The following PCDH7 variants were observed in gnomAD, a reference collection of about 807,000 sequenced individuals.
The protein encoded by PCDH7 is protocadherin 7, also known as protocadherin-7.
In PCDH7, 17 loss-of-function variants were observed where a neutral mutation model predicts 58.9. The observed-to-expected ratio is 0.29, with a 90% CI of 0.20 to 0.43. The LOEUF (loss-of-function observed/expected upper bound fraction) is 0.43, where lower values mean the gene tolerates loss of function less well. Ranked by LOEUF, PCDH7 falls within the 20% of genes least tolerant of loss-of-function variation. The pLI is 1.00. For synonymous variants in PCDH7, 664 were observed against 616.4 expected (o/e 1.08, Z -1.14); for missense variants, 1,274 against 1,441.0 (o/e 0.88, Z 1.88).
intron 3 of PCDH7, among the ~76,000 whole-genome samples, chr4:30,979,046 G>A (rs941701882): frequency 3.3e-5 from 5 of 152,050 alleles, no homozygotes; most frequent in Non-Finnish European, 7.4e-5. Flanking sequence ...GATTAGTGAG[G>A]CATCAGATGG....
intron 1 of PCDH7, among the ~76,000 whole-genome samples, chr4:30,883,585 A>G (rs553979587): frequency 2.0e-5 from 3 of 152,324 alleles, no homozygotes; most frequent in East Asian, 3.9e-4. Context: ...CATGCACAAT[A>G]TGACTGTAAC....
At chr4:30,967,034 T>C (rs1749057472) in intron 3 of PCDH7, among the ~76,000 whole-genome samples, 1 of 152,138 alleles carries the variant, frequency 6.6e-6, no homozygotes, top group African/African-American at 2.4e-5. Flanking sequence ...ATTTGTTTTC[T>C]TTCTATGTGC....
At position 31,063,042 on chromosome 4, in the gene PCDH7, G is replaced by A. The variant is rs547496318; in HGVS notation, c.*8-79431G>A. 2.0e-5 allele frequency among the ~76,000 whole-genome samples: 3 copies of A among 151,872 alleles called. No homozygotes were observed. The South Asian group carries it at 6.2e-4, about 32-fold the overall frequency. On this transcript the variant is annotated intron_variant, in intron 3 of 3. Coordinates refer to the PCDH7 transcript ENST00000509759. Reference sequence around the variant, plus strand: ...TATGTGCTAAATTAATCTTTATTGGGTATCTGAGAAGACTTTGAGAGAATG... The same window carrying A: ...TATGTGCTAAATTAATCTTTATTGGATATCTGAGAAGACTTTGAGAGAATG...
intron 3 of PCDH7, among the ~76,000 whole-genome samples, chr4:31,001,605 A>G (rs1156584648): frequency 1.3e-5 from 2 of 152,132 alleles, no homozygotes; most frequent in African/African-American, 4.8e-5. Flanking sequence ...ATTCACTAAA[A>G]CACGGTTGAC....
At chr4:30,796,754 T>C (rs762380178) in intron 1 of PCDH7, among the ~76,000 whole-genome samples, 17 of 152,334 alleles carry the variant, frequency 1.1e-4, no homozygotes, top group Middle Eastern at 3.4e-3. Flanking sequence ...TTTCCCACTT[T>C]ACTTTCTGTT....
At chr4:30,913,354 GTTA>G (rs1742022742) in intron 1 of PCDH7, among the ~76,000 whole-genome samples, 2 of 152,072 alleles carry the variant, frequency 1.3e-5, no homozygotes, top group African/African-American at 4.8e-5. Flanking sequence ...AAATAAAGAA[GTTA>G]TTATAGTACA....
chr4:30,873,397 G>A (rs1417167102), intron 1 of PCDH7, among the ~76,000 whole-genome samples: 8 of 151,930 alleles, frequency 5.3e-5, no homozygotes, highest in Admixed American at 5.3e-4. Flanking sequence ...GTATAATTGA[G>A]AACTTTTTAT....
chr4:30,764,002 T>C (rs1720375162), intron 1 of PCDH7, among the ~76,000 whole-genome samples: 1 of 152,166 alleles, frequency 6.6e-6, no homozygotes, highest in Non-Finnish European at 1.5e-5. Context: ...ACTCGGAGCT[T>C]GTTTCTTTTC....
intron 1 of PCDH7, among the ~76,000 whole-genome samples, chr4:30,841,250 A>T (rs1731177564): frequency 1.3e-5 from 2 of 152,134 alleles, no homozygotes; most frequent in Non-Finnish European, 2.9e-5. Flanking sequence ...AAAAAAAGTC[A>T]CTTATTTTAC....
chr4:30,861,441 G>C (rs779392219), intron 1 of PCDH7, among the ~76,000 whole-genome samples: 1 of 152,148 alleles, frequency 6.6e-6, no homozygotes, highest in Non-Finnish European at 1.5e-5. Flanking sequence ...TATGCACAAT[G>C]TAGTTGAAAA....
rs571802467 is a variant in PCDH7, at chr4:30,831,380, C to T, written c.71-88773C>T. Among the ~76,000 whole-genome samples, 7 of 152,220 alleles carry T rather than the reference C, an allele frequency of 4.6e-5. 1 individual carries two copies. The South Asian group carries it at 8.3e-4, about 18-fold the overall frequency. ...GTTCAATTCATAGTCTTGGCCTTTA[C>T]TAGCTATGGGACAAAACTTCCATCA... On this transcript the variant is annotated intron_variant, in intron 1 of 3. Coordinates refer to the PCDH7 transcript ENST00000509759.
intron 1 of PCDH7, among the ~76,000 whole-genome samples, chr4:30,900,625 G>A (rs1019739234): frequency 1.3e-5 from 2 of 152,198 alleles, no homozygotes; most frequent in African/African-American, 4.8e-5. Flanking sequence ...GACAGAGAAA[G>A]GGTAATTTGT....
intron 3 of PCDH7, among the ~76,000 whole-genome samples, chr4:31,116,222 A>T (rs1456553465): frequency 6.6e-6 from 1 of 152,140 alleles, no homozygotes; most frequent in Non-Finnish European, 1.5e-5. Flanking sequence ...TGCACACATC[A>T]TGGTACCTGA....
At chr4:30,800,391 T>A (rs1725382818) in intron 1 of PCDH7, among the ~76,000 whole-genome samples, 1 of 152,186 alleles carries the variant, frequency 6.6e-6, no homozygotes, top group Admixed American at 6.5e-5. Flanking sequence ...TATATTTATT[T>A]GAAAATGTAT....
chr4:30,823,138 T>C (rs1332984871), intron 1 of PCDH7, among the ~76,000 whole-genome samples: 2 of 152,142 alleles, frequency 1.3e-5, no homozygotes, highest in East Asian at 3.9e-4. Flanking sequence ...GCAAGCTTTT[T>C]GGCACCCTTT....
At chr4:30,744,322 A>G (rs1717492947) in intron 1 of PCDH7, among the ~76,000 whole-genome samples, 1 of 152,186 alleles carries the variant, frequency 6.6e-6, no homozygotes, top group African/African-American at 2.4e-5. Flanking sequence ...GATTCATATA[A>G]CTAAAGGTCA....
chr4:31,005,025 ACTT>A (rs1220494007), intron 3 of PCDH7, among the ~76,000 whole-genome samples: 3 of 152,234 alleles, frequency 2.0e-5, no homozygotes, highest in Non-Finnish European at 2.9e-5. Flanking sequence ...GTGAAATAGT[ACTT>A]CTGTAAAATT....
At chr4:31,052,414 C>G (rs935390108) in intron 3 of PCDH7, among the ~76,000 whole-genome samples, 2 of 152,092 alleles carry the variant, frequency 1.3e-5, no homozygotes, top group Non-Finnish European at 2.9e-5. Flanking sequence ...TTGGAGTTTA[C>G]AATTCAGTTG....
intron 3 of PCDH7, among the ~76,000 whole-genome samples, chr4:30,972,709 C>T (rs961717037): frequency 1.3e-5 from 2 of 152,146 alleles, no homozygotes; most frequent in African/African-American, 2.4e-5. Context: ...TCACCCACAT[C>T]GCCCACACCC....
Sources: gnomAD v4.1 joint callset for allele counts (sites outside exome capture counted in the v4.1 genomes callset) on GRCh38, gnomAD v4.1.1 for gene constraint, MANE v1.5 for transcripts, NCBI Gene and HGNC (gene_info 2026-07-23, HGNC 2026-07-21) for gene names.